Variants in CNTNAP2 observed in about 807,000 individuals in gnomAD.
CNTNAP2 encodes contactin associated protein 2.
In CNTNAP2, 98 loss-of-function variants were observed where a neutral mutation model predicts 155.2. That is an observed-to-expected ratio of 0.63 (90% confidence interval 0.54 to 0.75). The LOEUF (loss-of-function observed/expected upper bound fraction) is 0.75, where lower values mean the gene tolerates loss of function less well. CNTNAP2 is among the 30% of genes least tolerant of loss of function. The pLI is 0.00. For synonymous variants in CNTNAP2, 651 were observed against 631.2 expected (o/e 1.03, Z -0.47); for missense variants, 1,727 against 1,688.1 (o/e 1.02, Z -0.40).
At chr7:147,186,867 T>TTTAGAATGTCAGTGATG (rs1563108078) in intron 8 of CNTNAP2, among the ~76,000 whole-genome samples, 1 of 141,936 alleles carries the variant, frequency 7.0e-6, no homozygotes, top group South Asian at 2.3e-4. Context: ...AGAAGGCACT[T>TTTAGAATGTCAGTGATG]GATCTTTTCG....
At chr7:148,050,393 G>A (rs1585097642) in intron 15 of CNTNAP2, among the ~76,000 whole-genome samples, 1 of 152,054 alleles carries the variant, frequency 6.6e-6, no homozygotes, top group East Asian at 1.9e-4. Context: ...AATATTTAAA[G>A]TACAAAAATG....
chr7:147,904,747 C>T (rs1799930298), intron 14 of CNTNAP2, among the ~76,000 whole-genome samples: 1 of 152,138 alleles, frequency 6.6e-6, no homozygotes, highest in Non-Finnish European at 1.5e-5. Flanking sequence ...GTAAATATAA[C>T]AAATTACAAA....
At chr7:147,281,478 G>T (rs1442199397) in intron 8 of CNTNAP2, among the ~76,000 whole-genome samples, 3 of 151,686 alleles carry the variant, frequency 2.0e-5, no homozygotes, top group Admixed American at 6.6e-5. Flanking sequence ...TTGAATGAAA[G>T]AATTCCCTGA....
chr7:147,964,480 G>T (rs1445483444), intron 14 of CNTNAP2, among the ~76,000 whole-genome samples: 1 of 152,078 alleles, frequency 6.6e-6, no homozygotes, highest in Non-Finnish European at 1.5e-5. Context: ...CCTGGAGACT[G>T]CCCTGCAAAA....
rs191832340 is a variant in CNTNAP2, at chr7:147,076,274, C to T, written c.551-31873C>T. Among the ~76,000 whole-genome samples, 5 of 152,280 alleles carry T rather than the reference C, an allele frequency of 3.3e-5. No homozygotes were observed. The East Asian group carries it at 9.7e-4, about 29-fold the overall frequency. On this transcript the variant is annotated intron_variant, in intron 4 of 23. Coordinates refer to ENST00000361727, the MANE Select transcript of CNTNAP2 (RefSeq NM_014141.6). ...CAGTGTAAAAGTGTTCCTATTTCTCCACATCCTCTCCAGCACCGGTTGTTT... is the reference window on the plus strand; with the variant it reads ...CAGTGTAAAAGTGTTCCTATTTCTCTACATCCTCTCCAGCACCGGTTGTTT...
intron 11 of CNTNAP2, among the ~76,000 whole-genome samples, chr7:147,558,662 T>G (rs1367052606): frequency 6.6e-6 from 1 of 152,176 alleles, no homozygotes; most frequent in East Asian, 1.9e-4. Flanking sequence ...TGTTATACTT[T>G]GAAGAAAAAG....
At chr7:147,130,491 A>G (rs1584744303) in intron 7 of CNTNAP2, among the ~76,000 whole-genome samples, 3 of 152,070 alleles carry the variant, frequency 2.0e-5, no homozygotes, top group African/African-American at 7.2e-5. Flanking sequence ...TGGATTCACA[A>G]TATGTGAGTT....
intron 2 of CNTNAP2, among the ~76,000 whole-genome samples, chr7:146,824,232 C>G (rs1803354865): frequency 1.3e-5 from 2 of 152,136 alleles, no homozygotes; most frequent in African/African-American, 4.8e-5. Context: ...TTTTTTATGG[C>G]TGCATAGTAT....
chr7:147,974,595 A>C (rs1029826737), intron 14 of CNTNAP2, among the ~76,000 whole-genome samples: 1 of 152,180 alleles, frequency 6.6e-6, no homozygotes, highest in African/African-American at 2.4e-5. Flanking sequence ...ATTGCACTCC[A>C]GCCTGGGCAA....
intron 4 of CNTNAP2, among the ~76,000 whole-genome samples, chr7:147,083,998 CA>C: frequency 7.8e-6 from 1 of 127,728 alleles, no homozygotes; most frequent in South Asian, 2.9e-4. Context: ...ATATATAATA[CA>C]TATATACATA....
chr7:146,362,928 G>A (rs1422547600), intron 1 of CNTNAP2, among the ~76,000 whole-genome samples: 2 of 151,830 alleles, frequency 1.3e-5, no homozygotes, highest in Admixed American at 6.6e-5. Flanking sequence ...GTGCCACCAC[G>A]CCCAGCTAAT....
At chr7:146,337,463 T>C (rs1801296701) in intron 1 of CNTNAP2, among the ~76,000 whole-genome samples, 1 of 152,166 alleles carries the variant, frequency 6.6e-6, no homozygotes, top group African/African-American at 2.4e-5. Flanking sequence ...TACTGTTTTA[T>C]TTTTTACTTT....
intron 1 of CNTNAP2, among the ~76,000 whole-genome samples, chr7:146,462,255 A>G (rs953376731): frequency 1.3e-5 from 2 of 152,216 alleles, no homozygotes; most frequent in Non-Finnish European, 2.9e-5. Flanking sequence ...GTTTTGTTGT[A>G]TAATTTATCA....
chr7:147,653,681 G>A (rs1415427825), intron 13 of CNTNAP2, among the ~76,000 whole-genome samples: 2 of 152,136 alleles, frequency 1.3e-5, no homozygotes, highest in Non-Finnish European at 2.9e-5. Flanking sequence ...GTCCTGCGCA[G>A]GAAGGCAAGG....
At chr7:147,376,461 T>C (rs1255010281) in intron 9 of CNTNAP2, among the ~76,000 whole-genome samples, 2 of 152,012 alleles carry the variant, frequency 1.3e-5, no homozygotes. Flanking sequence ...TTGAACACTC[T>C]GTTATCAGGT....
At chr7:148,303,018 A>T (rs534915195) in intron 21 of CNTNAP2, among the ~76,000 whole-genome samples, 1 of 151,752 alleles carries the variant, frequency 6.6e-6, no homozygotes, top group East Asian at 2.0e-4. Context: ...AGAGTTTCAC[A>T]TGTTGGCCAT....
chr7:147,593,613 T>A (rs10264744), intron 12 of CNTNAP2, among the ~76,000 whole-genome samples: 1,703 of 152,266 alleles, frequency 0.011, 43 homozygotes, highest in African/African-American at 0.039. Flanking sequence ...TAAAGAGGTG[T>A]TAGGATTAAA....
At chr7:148,283,249 A>AAAAAAAG (rs1476256094) in intron 21 of CNTNAP2, among the ~76,000 whole-genome samples, 1 of 70,024 alleles carries the variant, frequency 1.4e-5, no homozygotes, top group African/African-American at 4.6e-5. Flanking sequence ...CAAAAAAAAA[A>AAAAAAAG]AAAAAAAAAG....
intron 20 of CNTNAP2, among the ~76,000 whole-genome samples, chr7:148,249,543 C>T (rs780822643): frequency 6.6e-6 from 1 of 152,172 alleles, no homozygotes; most frequent in Non-Finnish European, 1.5e-5. Context: ...CATGAACTGC[C>T]GACTCACACA....
Sources: gnomAD v4.1 joint callset for allele counts (sites outside exome capture counted in the v4.1 genomes callset) on GRCh38, gnomAD v4.1.1 for gene constraint, MANE v1.5 for transcripts, NCBI Gene and HGNC (gene_info 2026-07-23, HGNC 2026-07-21) for gene names.